Variants in TSPEAR observed in about 807,000 individuals in gnomAD.
TSPEAR encodes thrombospondin-type laminin G domain and EAR repeat-containing protein.
In TSPEAR, 69 loss-of-function variants were observed where a neutral mutation model predicts 71.6. The observed-to-expected ratio is 0.96, with a 90% CI of 0.79 to 1.18. TSPEAR has a LOEUF of 1.18. Among genes scored for constraint, TSPEAR ranks in the 50% most tolerant of loss-of-function variants. The pLI is 0.00. For missense variants in TSPEAR, 971 were observed against 894.9 expected (o/e 1.09, Z -1.09); for synonymous variants, 402 against 387.2 (o/e 1.04, Z -0.45).
At chr21:44,672,574 C>CA (rs71199617) in intron 1 of TSPEAR, among the ~76,000 whole-genome samples, 26,435 of 150,928 alleles carry the variant, frequency 0.18, 2,492 homozygotes, top group Non-Finnish European at 0.21. Flanking sequence ...CGTCTCAAAA[C>CA]AAAAAAAAAA....
rs1555933779 is a variant in TSPEAR, at chr21:44,623,059, C to T, written c.83-55054G>A. On this transcript the variant is annotated intron_variant, in intron 1 of 11. Transcript: ENST00000323084. The surrounding 1 kb of genome is among the most constrained non-coding windows in gnomAD (Gnocchi z 4.5). Reference sequence around the variant, plus strand: ...CCATGAGCAAAGCCCCCTGAGGCCTCCCCAGAAGCTGAGCAGATGCCAGCG... The same window carrying T: ...CCATGAGCAAAGCCCCCTGAGGCCTTCCCAGAAGCTGAGCAGATGCCAGCG... 6.6e-6 allele frequency among the ~76,000 whole-genome samples: 1 copy of T among 152,200 alleles called. No individual in the cohort carries two copies. Among genetic ancestry groups the T allele is most frequent in the Non-Finnish European group, 1.5e-5 (1 of 68,034 alleles).
intron 1 of TSPEAR, among the ~76,000 whole-genome samples, chr21:44,603,149 C>T (rs1432768581): frequency 1.3e-5 from 2 of 152,120 alleles, no homozygotes; most frequent in African/African-American, 4.8e-5. Flanking sequence ...GCTGTCCCTC[C>T]CCTGTGGTGG....
At chr21:44,604,732 T>C (rs1981201526) in intron 1 of TSPEAR, among the ~76,000 whole-genome samples, 1 of 152,264 alleles carries the variant, frequency 6.6e-6, no homozygotes, top group Non-Finnish European at 1.5e-5. Context: ...GCTTGTTGCA[T>C]ATGGCCTTTA....
intron 1 of TSPEAR, chr21:44,697,024 ACGCTC>A: frequency 1.1e-6 from 1 of 888,730 alleles, no homozygotes; most frequent in Non-Finnish European, 1.6e-6. Context: ...CAGCACCCAG[ACGCTC>A]ACTCACTCCC....
intron 1 of TSPEAR, among the ~76,000 whole-genome samples, chr21:44,608,983 A>G (rs189266422): frequency 6.6e-6 from 1 of 152,380 alleles, no homozygotes; most frequent in East Asian, 1.9e-4. Flanking sequence ...AACACTGTGA[A>G]AGAGAATGGA....
At chr21:44,627,694 T>A in intron 1 of TSPEAR, 1 of 1,603,090 alleles carries the variant, frequency 6.2e-7, no homozygotes, top group Admixed American at 1.7e-5. Flanking sequence ...TTGCTGCACT[T>A]CCTCCCCCTG....
intron 1 of TSPEAR, among the ~76,000 whole-genome samples, chr21:44,652,991 C>A (rs888079085): frequency 3.3e-5 from 5 of 151,590 alleles, no homozygotes; most frequent in Admixed American, 2.6e-4. Context: ...CCCGTCTCTA[C>A]TAAAAATACA....
chr21:44,685,726 C>A (rs2838635), intron 1 of TSPEAR, among the ~76,000 whole-genome samples: 1 of 151,930 alleles, frequency 6.6e-6, no homozygotes, highest in Non-Finnish European at 1.5e-5. Flanking sequence ...CTTATTGAAC[C>A]CTCTACCCCC....
At chr21:44,688,502 T>C (rs1454243139) in intron 1 of TSPEAR, among the ~76,000 whole-genome samples, 7 of 151,918 alleles carry the variant, frequency 4.6e-5, no homozygotes, top group East Asian at 1.9e-4. Context: ...GGGCAGATCA[T>C]GAGGTCAGGA....
chr21:44,647,291 G>A, intron 1 of TSPEAR: 1 of 1,612,018 alleles, frequency 6.2e-7, no homozygotes, highest in Non-Finnish European at 8.5e-7. Flanking sequence ...TCCCTCCTCT[G>A]CCGCCCCGCA....
chr21:44,658,687 G>T (rs992389125), intron 1 of TSPEAR, among the ~76,000 whole-genome samples: 1 of 152,104 alleles, frequency 6.6e-6, no homozygotes, highest in Non-Finnish European at 1.5e-5. Context: ...TGGCCTGAAG[G>T]TTCTGTCCCC....
intron 1 of TSPEAR, among the ~76,000 whole-genome samples, chr21:44,659,719 G>A (rs1177108380): frequency 3.3e-5 from 5 of 152,186 alleles, no homozygotes; most frequent in African/African-American, 9.7e-5. Context: ...CTGGTGGTTC[G>A]AGGCTGCAGT....
chr21:44,646,124 CAA>C (rs55672014), intron 1 of TSPEAR, among the ~76,000 whole-genome samples: 443 of 31,062 alleles, frequency 0.014, no homozygotes, highest in African/African-American at 0.046. Flanking sequence ...GACTCCCTCT[CAA>C]AAAAAAAAAA....
chr21:44,616,649 C>T (rs188161696), intron 1 of TSPEAR, among the ~76,000 whole-genome samples: 19 of 152,378 alleles, frequency 1.2e-4, no homozygotes, highest in Admixed American at 1.1e-3. Flanking sequence ...ACCCGAGACC[C>T]TGCCCTGGTC....
At position 44,626,727 on chromosome 21, in the gene TSPEAR, C is replaced by T. The variant is rs781823256; in HGVS notation, c.83-58722G>A. ...ACCACAGGAAATAATTCCTAAGGGC[C>T]GGCTTCCTGCAGAGGAAGCCCGTGT... On this transcript the variant is annotated intron_variant, in intron 1 of 11. Coordinates refer to ENST00000323084, the MANE Select transcript of TSPEAR (RefSeq NM_144991.3). Among the ~76,000 whole-genome samples, 8 of 152,234 alleles carry T rather than the reference C, an allele frequency of 5.3e-5. No homozygotes were observed. The South Asian group carries it at 8.3e-4, about 16-fold the overall frequency.
intron 1 of TSPEAR, among the ~76,000 whole-genome samples, chr21:44,583,139 G>A (rs1348538633): frequency 2.6e-5 from 4 of 152,008 alleles, no homozygotes; most frequent in Admixed American, 1.3e-4. Context: ...CACTGCACCC[G>A]GCCAGATCAC....
intron 1 of TSPEAR, among the ~76,000 whole-genome samples, chr21:44,686,838 G>C (rs2838639): frequency 0.2 from 31,043 of 152,154 alleles, 3,244 homozygotes; most frequent in Middle Eastern, 0.28. Context: ...CTCCTTAATA[G>C]TGGGTCTTTT....
At chr21:44,709,951 A>C (rs567453755) in intron 1 of TSPEAR, among the ~76,000 whole-genome samples, 1 of 152,022 alleles carries the variant, frequency 6.6e-6, no homozygotes, top group Non-Finnish European at 1.5e-5. Flanking sequence ...TCTTTTAACT[A>C]TTTGCAACGT....
At chr21:44,698,158 G>T in intron 1 of TSPEAR, 1 of 628,388 alleles carries the variant, frequency 1.6e-6, no homozygotes, top group Non-Finnish European at 2.8e-6. Context: ...GGCTCTTCCA[G>T]ACCACTTCCC....
Sources: gnomAD v4.1 joint callset for allele counts (sites outside exome capture counted in the v4.1 genomes callset) on GRCh38, gnomAD v4.1.1 for gene constraint, Gnocchi (gnomAD v3.1) non-coding constraint, MANE v1.5 for transcripts, NCBI Gene and HGNC (gene_info 2026-07-23, HGNC 2026-07-21) for gene names.